Variants in FCMR observed in about 807,000 individuals in gnomAD.
FCMR encodes the protein immunoglobulin mu Fc receptor.
In FCMR, 34 loss-of-function variants were observed where a neutral mutation model predicts 41.6. The observed-to-expected ratio is 0.82, with a 90% CI of 0.62 to 1.09. The LOEUF is 1.09. FCMR is among the 50% of genes least tolerant of loss of function. The probability of loss-of-function intolerance (pLI) is 0.00; values close to 1 mark genes in which losing one functional copy is unlikely to be tolerated. For synonymous variants in FCMR, 209 were observed against 211.8 expected, an observed-to-expected ratio of 0.99 and a Z score of 0.12; for missense variants, 496 against 512.5, an observed-to-expected ratio of 0.97 and a Z score of 0.31.
Position 206,912,564 on chromosome 1 carries a change from G to A in FCMR, c.487+365C>T, listed in dbSNP as rs141994193. On this transcript the variant is annotated intron_variant, in intron 3 of 7. Coordinates refer to ENST00000367091, the MANE Select transcript of FCMR (RefSeq NM_005449.5). ...GCCAGCAGGTAGAAGACAGCCCTAC[G>A]GGAAGCACGAGACATGATGATCTCC... Among the ~76,000 whole-genome samples the A allele has an allele frequency of 3.4e-3, 511 of 152,296 alleles. 2 individuals are homozygous for A. The highest frequency in any genetic ancestry group is 4.8e-3 in the Non-Finnish European group (329 of 68,026).
chr1:206,909,671 C>G lies in FCMR; in HGVS notation c.985+54G>C, dbSNP rs1033977400. The G allele has an allele frequency of 5.9e-6, 8 of 1,361,288 alleles. No homozygotes were observed. The African/African-American group carries it at 1.2e-4, about 21-fold the overall frequency. The allele number at this position is 1,361,288 out of a possible 1,614,324, so 84.3% of individuals were successfully genotyped here. On this transcript the variant is annotated intron_variant, in intron 6 of 7. Coordinates refer to ENST00000367091, the MANE Select transcript of FCMR (RefSeq NM_005449.5). This position sits in a 1 kb window ranked among gnomAD's most constrained non-coding sequence, Gnocchi z 5.0. ...AGCGCGCCCCGCTGCGCCCGGCTTT[C>G]CCGGAGCCAGCGCACTCTTTCCGCT...
chr1:206,911,967 A>G lies in FCMR; in HGVS notation c.488-15T>C, dbSNP rs1469813830. 3 of 1,597,282 alleles carry G rather than the reference A, an allele frequency of 1.9e-6. No individual in the cohort carries two copies. Among genetic ancestry groups the G allele is most frequent in the African/African-American group, 2.7e-5 (2 of 74,478 alleles). On this transcript the variant is annotated splice_polypyrimidine_tract_variant and intron_variant, in intron 3 of 7. Transcript: ENST00000367091. ...TGGTGTGGTAACTGCAGGAGGTAGC[A>G]GGAAAAAGGGATGTTCCTTTTATAC...
intron 1 of FCMR, 97 bp from the exon 2 acceptor site, chr1:206,914,191 C>T: frequency 2.2e-6 from 2 of 907,028 alleles, no homozygotes; most frequent in South Asian, 3.1e-5. Flanking sequence ...CAACCCTAGC[C>T]CAGGCCCCAG....
At chr1:206,917,686 G>C (rs1572630730) in intron 1 of FCMR, 1 of 392,790 alleles carries the variant, frequency 2.5e-6, no homozygotes, top group East Asian at 7.3e-5. Context: ...GGGTGCAGTG[G>C]TGCAATCTTG....
rs1197045067 is a variant in FCMR at position 206,904,618 on chromosome 1, G to A, written c.*401C>T. ...TCTATTTGTGTAAGACCCAACCCTG[G>A]GAAGGATGCCCGAGACAATAGCTAT... On this transcript the variant is annotated 3_prime_UTR_variant, in exon 8 of 8. Coordinates refer to ENST00000367091, the MANE Select transcript of FCMR (RefSeq NM_005449.5). The A allele has an allele frequency of 4.5e-6, 1 of 224,584 alleles. No individual in the cohort carries two copies. The highest frequency in any genetic ancestry group is 9.0e-6 in the Non-Finnish European group (1 of 110,782). The allele number at this position is 224,584 out of a possible 1,614,324, so 13.9% of individuals were successfully genotyped here. A position where few individuals can be genotyped will look rare whatever the true frequency, so the allele number is the denominator to read the frequency against.
At chr1:206,919,849 C>T (rs1216828221) in intron 1 of FCMR, among the ~76,000 whole-genome samples, 2 of 152,154 alleles carry the variant, frequency 1.3e-5, no homozygotes, top group African/African-American at 2.4e-5. Flanking sequence ...AACCAACCAC[C>T]GTGCCCTCCT....
rs765117250 is a variant in FCMR, at chr1:206,913,088, T to C, written c.374-46A>G. 31 of 1,449,572 alleles carry C rather than the reference T, an allele frequency of 2.1e-5. No individual in the cohort carries two copies. In the Admixed American group the frequency reaches 4.9e-4, roughly 23 times the overall value. 89.8% of individuals were successfully genotyped at this position (1,449,572 alleles called of 1,614,324 possible). On this transcript the variant is annotated intron_variant, in intron 2 of 7. Coordinates refer to ENST00000367091, the MANE Select transcript of FCMR (RefSeq NM_005449.5). ...ATGTTGGTGGTCTCTAGGGGGAGAC[T>C]GAGGCTTGGGTGTAAACTGAAGCTA...
chr1:206,908,237 A>G (rs2102546602), intron 7 of FCMR: 8 of 1,324,976 alleles, frequency 6.0e-6, no homozygotes, highest in Non-Finnish European at 7.4e-6. Context: ...TGAGCCCAAT[A>G]AAGACTGTTA....
chr1:206,915,665 A>G (rs1188148343), intron 1 of FCMR, among the ~76,000 whole-genome samples: 6 of 152,148 alleles, frequency 3.9e-5, no homozygotes, highest in African/African-American at 1.4e-4. Flanking sequence ...TTCATAGGGT[A>G]AAGTTGTGTG....
At position 206,911,717 on chromosome 1, in the gene FCMR, A is replaced by G. The variant is rs1271605674; in HGVS notation, c.710+13T>C. 4 of 1,608,166 alleles carry G rather than the reference A, an allele frequency of 2.5e-6. No homozygotes were observed. The highest frequency in any genetic ancestry group is 3.4e-6 in the Non-Finnish European group (4 of 1,176,602). ...TCTAGCCTAACTCTAGATCCTGGAC[A>G]GTGGTCTCTTACCTCTGCCTGTGCA... On this transcript the variant is annotated intron_variant, in intron 4 of 7. Transcript: ENST00000367091.
chr1:206,915,476 G>A (rs926887874), intron 1 of FCMR, among the ~76,000 whole-genome samples: 6 of 152,264 alleles, frequency 3.9e-5, no homozygotes, highest in Middle Eastern at 3.4e-3. Flanking sequence ...CACTGTATGT[G>A]TGCTGGGGAG....
At position 206,909,587 on chromosome 1, in the gene FCMR, C is replaced by A. The variant is rs1168514278; in HGVS notation, c.986-67G>T. On this transcript the variant is annotated intron_variant, in intron 6 of 7. Transcript: ENST00000367091. The surrounding 1 kb of genome is among the most constrained non-coding windows in gnomAD (Gnocchi z 5.0). ...CCCGCCCCACCGTCATGCTACTACTCCCAGCTCCACCCCCGCCCCACTCCC... is the reference window on the plus strand; with the variant it reads ...CCCGCCCCACCGTCATGCTACTACTACCAGCTCCACCCCCGCCCCACTCCC... 3.9e-6 allele frequency: 5 copies of A among 1,274,946 alleles called. No homozygotes were observed. The Admixed American group carries it at 1.2e-4, about 32-fold the overall frequency. 79.0% of individuals were successfully genotyped at this position (1,274,946 alleles called of 1,614,324 possible). A position where few individuals can be genotyped will look rare whatever the true frequency, so the allele number is the denominator to read the frequency against.
rs908721369 is a variant in FCMR, at chr1:206,909,812, G to GGGAGCTCTCCA, written c.887_897dup (p.Gln300TrpfsTer65). The GGGAGCTCTCCA allele has an allele frequency of 7.0e-7, 1 of 1,426,190 alleles. No individual in the cohort carries two copies. Among genetic ancestry groups the GGGAGCTCTCCA allele is most frequent in the Admixed American group, 3.3e-5 (1 of 29,886 alleles). The allele number at this position is 1,426,190 out of a possible 1,614,324, so 88.3% of individuals were successfully genotyped here. A position where few individuals can be genotyped will look rare whatever the true frequency, so the allele number is the denominator to read the frequency against. On this transcript the variant is annotated frameshift_variant, in exon 6 of 8. Transcript: ENST00000367091. LOFTEE classifies it high-confidence loss of function. This position sits in a 1 kb window ranked among gnomAD's most constrained non-coding sequence, Gnocchi z 5.0. ...GGTCGCGGCGACCCGCGGGGCCTCT[G>GGGAGCTCTCCA]GGAGCTCTCCAGGGCGCGCATCCTC...
chr1:206,915,064 A>G (rs1188257277), intron 1 of FCMR, among the ~76,000 whole-genome samples: 2 of 152,246 alleles, frequency 1.3e-5, no homozygotes, highest in Non-Finnish European at 2.9e-5. Context: ...GGTTTCGCTC[A>G]GGCGCATCCA....
At chr1:206,913,202 G>A (rs1679020832) in intron 2 of FCMR, among the ~76,000 whole-genome samples, 160 bp from the exon 3 acceptor site, 2 of 152,312 alleles carry the variant, frequency 1.3e-5, no homozygotes, top group Admixed American at 6.5e-5. Context: ...CTTCCCTGGA[G>A]GAAATACTGG....
intron 1 of FCMR, among the ~76,000 whole-genome samples, chr1:206,918,307 C>A (rs1679277310): frequency 6.6e-6 from 1 of 152,144 alleles, no homozygotes; most frequent in Non-Finnish European, 1.5e-5. Flanking sequence ...GCCTCTCCAT[C>A]CTGGCTAGCC....
chr1:206,909,936 G>GA lies in FCMR; in HGVS notation c.842-69dup, dbSNP rs566545723. The GA allele has an allele frequency of 5.6e-3, 7,548 of 1,355,752 alleles. 29 individuals carry two copies. Among genetic ancestry groups the GA allele is most frequent in the Middle Eastern group, 8.8e-3 (43 of 4,868 alleles). The allele number at this position is 1,355,752 out of a possible 1,614,324, so 84.0% of individuals were successfully genotyped here. A position where few individuals can be genotyped will look rare whatever the true frequency, so the allele number is the denominator to read the frequency against. On this transcript the variant is annotated intron_variant, in intron 5 of 7. Coordinates refer to ENST00000367091, the MANE Select transcript of FCMR (RefSeq NM_005449.5). The surrounding 1 kb of genome is among the most constrained non-coding windows in gnomAD (Gnocchi z 5.0). ...GAGGCCCGTGCCACCCTCCCCAAACGAAAGGCTGCCTCCTCCCTCGGGCTT... is the reference window on the plus strand; with the variant it reads ...GAGGCCCGTGCCACCCTCCCCAAACGAAAAGGCTGCCTCCTCCCTCGGGCTT...
chr1:206,920,361 A>G (rs1395726660), intron 1 of FCMR, among the ~76,000 whole-genome samples: 1 of 151,344 alleles, frequency 6.6e-6, no homozygotes, highest in East Asian at 1.9e-4. Flanking sequence ...AAGCTAAGGC[A>G]GGAGAATCGC....
At chr1:206,922,265 C>T (rs1276851409), upstream of FCMR, among the ~76,000 whole-genome samples, 1 of 152,188 alleles carries the variant, frequency 6.6e-6, no homozygotes, top group Non-Finnish European at 1.5e-5. Flanking sequence ...ATTCTGCCTT[C>T]AGGATAAAAG....
Sources: gnomAD v4.1 joint callset for allele counts (sites outside exome capture counted in the v4.1 genomes callset) on GRCh38, gnomAD v4.1.1 for gene constraint, Gnocchi (gnomAD v3.1) non-coding constraint, MANE v1.5 for transcripts, NCBI Gene and HGNC (gene_info 2026-07-23, HGNC 2026-07-21) for gene names.